UNC13C: variants seen among roughly 807,000 people sequenced by gnomAD.
The protein encoded by UNC13C is protein unc-13 homolog C.
A neutral mutation model predicts 245.4 loss-of-function variants in UNC13C; 174 were observed. The ratio of observed to expected loss-of-function variants is 0.71; its 90% CI spans 0.63 to 0.80. The LOEUF (loss-of-function observed/expected upper bound fraction) is 0.80, where lower values mean the gene tolerates loss of function less well. Among genes scored for constraint, UNC13C ranks in the 30% least tolerant of loss-of-function variants. The probability of loss-of-function intolerance (pLI) is 0.00; values close to 1 mark genes in which losing one functional copy is unlikely to be tolerated. For synonymous variants in UNC13C, 992 were observed against 895.1 expected (o/e 1.11, Z -1.93); for missense variants, 2,829 against 2,602.9 (o/e 1.09, Z -1.89).
At chr15:54,087,222 T>C (rs1899293516) in intron 2 of UNC13C, among the ~76,000 whole-genome samples, 1 of 152,102 alleles carries the variant, frequency 6.6e-6, no homozygotes, top group African/African-American at 2.4e-5. Context: ...GTGCAGTTTT[T>C]TTAAAAAAAA....
chr15:54,377,722 A>G (rs906584166), intron 17 of UNC13C, among the ~76,000 whole-genome samples: 2 of 152,164 alleles, frequency 1.3e-5, no homozygotes, highest in East Asian at 1.9e-4. Context: ...TCACATGGCA[A>G]AAGGAGTGAA....
At chr15:54,359,707 A>G (rs1588586) in intron 17 of UNC13C, among the ~76,000 whole-genome samples, 1,897 of 151,892 alleles carry the variant, frequency 0.012, 17 homozygotes, top group Middle Eastern at 0.02. Context: ...GTCTCCTTTT[A>G]TCATCTCTAA....
At chr15:54,441,221 T>G (rs1258259011) in intron 19 of UNC13C, among the ~76,000 whole-genome samples, 1 of 152,072 alleles carries the variant, frequency 6.6e-6, no homozygotes, top group Non-Finnish European at 1.5e-5. Flanking sequence ...TTTGAGGTAT[T>G]AGCCCTGAAA....
chr15:53,940,439 A>G, the UNC13C span, among the ~76,000 whole-genome samples: 1 of 152,104 alleles, frequency 6.6e-6, no homozygotes, highest in African/African-American at 2.4e-5. Flanking sequence ...CCATTCCTAT[A>G]CAACATAGTA....
chr15:54,057,552 CAAG>C (rs1005591949), intron 2 of UNC13C, among the ~76,000 whole-genome samples: 27 of 151,998 alleles, frequency 1.8e-4, no homozygotes, highest in Non-Finnish European at 2.6e-4. Context: ...GACAGATCAA[CAAG>C]ACAGAAAGTT....
chr15:54,321,950 G>A lies in UNC13C; in HGVS notation c.4280G>A (p.Cys1427Tyr), dbSNP rs267604263. The A allele has an allele frequency of 6.4e-7, 1 of 1,573,740 alleles. No individual in the cohort carries two copies. Among genetic ancestry groups the A allele is most frequent in the East Asian group, 2.3e-5 (1 of 43,316 alleles). ...SIYQAMTHFS[C>Y]LSSKYMCPGV... ...TTTTTGTCTTTCAGGCACTTTTCAT[G>A]TCTGTCTTCTAAATACATGTGCCCC... is the stretch of plus-strand genomic sequence containing the variant. The change falls in exon 14 of 33, where the codon TGT becomes TAT. Residue 1427 changes from cysteine (C) to tyrosine (Y), a missense_variant. By Grantham distance (194) the Cys-to-Tyr change is radical. Coordinates refer to ENST00000260323, the MANE Select transcript of UNC13C (RefSeq NM_001080534.3).
intron 2 of UNC13C, among the ~76,000 whole-genome samples, chr15:54,036,404 G>A (rs1896578986): frequency 6.6e-6 from 1 of 152,164 alleles, no homozygotes. Flanking sequence ...TCAATTTACG[G>A]AGAAAGAAAC....
rs113154976 is a variant in UNC13C, at chr15:54,350,196, T to C, written c.4713+11707T>C. ...TAGTACTGACGGGGTTTCACCGTGT[T>C]AGCCAGGATGGTCTTGATCTCCTGA... is the stretch of plus-strand genomic sequence containing the variant. On this transcript the variant is annotated intron_variant, in intron 17 of 32. Coordinates refer to ENST00000260323, the MANE Select transcript of UNC13C (RefSeq NM_001080534.3). Among the ~76,000 whole-genome samples, 1,208 of 152,302 alleles carry C rather than the reference T, an allele frequency of 7.9e-3. 12 individuals are homozygous for C. Among genetic ancestry groups the C allele is most frequent in the African/African-American group, 0.028 (1,154 of 41,582 alleles).
At chr15:54,384,641 C>T (rs2039798177) in intron 17 of UNC13C, among the ~76,000 whole-genome samples, 1 of 151,774 alleles carries the variant, frequency 6.6e-6, no homozygotes, top group Admixed American at 6.6e-5. Flanking sequence ...GCATAGGCAA[C>T]AAAAACAAAA....
chr15:54,551,783 C>A (rs1896744511), intron 28 of UNC13C, among the ~76,000 whole-genome samples: 1 of 151,852 alleles, frequency 6.6e-6, no homozygotes, highest in East Asian at 1.9e-4. Context: ...TTTAAATTAT[C>A]AGTCCATTTA....
At chr15:54,550,822 G>A (rs980016246) in intron 28 of UNC13C, among the ~76,000 whole-genome samples, 1 of 152,084 alleles carries the variant, frequency 6.6e-6, no homozygotes, top group Non-Finnish European at 1.5e-5. Context: ...TGGGATTTCT[G>A]GAGCCTACTT....
chr15:54,192,575 A>G (rs1372756240), intron 4 of UNC13C, among the ~76,000 whole-genome samples: 1 of 152,120 alleles, frequency 6.6e-6, no homozygotes, highest in Non-Finnish European at 1.5e-5. Flanking sequence ...CTGTATCTGG[A>G]TAGTTCCTTT....
chr15:54,538,258 T>C (rs1243978229), intron 26 of UNC13C, among the ~76,000 whole-genome samples: 1 of 146,122 alleles, frequency 6.8e-6, no homozygotes, highest in Non-Finnish European at 1.5e-5. Flanking sequence ...TGAACGTCAC[T>C]AATCATTGAA....
intron 4 of UNC13C, among the ~76,000 whole-genome samples, chr15:54,174,309 A>G (rs1318296574): frequency 6.6e-6 from 1 of 152,192 alleles, no homozygotes; most frequent in Non-Finnish European, 1.5e-5. Flanking sequence ...TGATTGCAAA[A>G]CAAAAATAGT....
chr15:54,343,806 C>G (rs2038794256), intron 17 of UNC13C, among the ~76,000 whole-genome samples: 2 of 151,982 alleles, frequency 1.3e-5, no homozygotes, highest in Non-Finnish European at 2.9e-5. Context: ...ATGAATACCA[C>G]AAGGAAAAGT....
chr15:53,971,665 T>A, the UNC13C span, among the ~76,000 whole-genome samples: 1 of 152,208 alleles, frequency 6.6e-6, no homozygotes, highest in Non-Finnish European at 1.5e-5. Context: ...TTTTAAAAAG[T>A]ATACTTTCTT....
intron 24 of UNC13C, among the ~76,000 whole-genome samples, chr15:54,520,760 T>C (rs368952585): frequency 1.1e-4 from 16 of 152,296 alleles, no homozygotes; most frequent in African/African-American, 3.6e-4. Context: ...TAAGAAATCA[T>C]TGGTGACCAT....
chr15:54,572,424 AT>A (rs1336090253), intron 30 of UNC13C, among the ~76,000 whole-genome samples: 12,760 of 131,492 alleles, frequency 0.097, 612 homozygotes, highest in African/African-American at 0.19. Flanking sequence ...TGTCTCTTTA[AT>A]TTTTTTTTTT....
At chr15:54,223,741 T>G (rs898260511) in intron 4 of UNC13C, among the ~76,000 whole-genome samples, 1 of 152,070 alleles carries the variant, frequency 6.6e-6, no homozygotes, top group Non-Finnish European at 1.5e-5. Context: ...ATGGGCATTT[T>G]AACAATATTA....
Sources: allele counts gnomAD v4.1 joint callset (sites outside exome capture counted in the v4.1 genomes callset), GRCh38; gene constraint gnomAD v4.1.1; transcripts MANE v1.5; gene names NCBI Gene and HGNC (gene_info 2026-07-23, HGNC 2026-07-21).